Variants in RERE observed in about 807,000 individuals in gnomAD.
RERE encodes arginine-glutamic acid dipeptide repeats.
Under a neutral mutation model 146.1 loss-of-function variants are expected in RERE, and 40 were observed. The ratio of observed to expected loss-of-function variants is 0.27; its 90% confidence interval spans 0.21 to 0.36. The LOEUF is 0.36. Ranked by LOEUF, RERE falls within the 10% of genes least tolerant of loss-of-function variation. The pLI is 1.00. For synonymous variants in RERE, 1,003 were observed against 866.0 expected, an observed-to-expected ratio of 1.16 and a Z score of -2.78; for missense variants, 1,933 against 2,138.7, an observed-to-expected ratio of 0.90 and a Z score of 1.90.
At chr1:8,484,771 A>G (rs1570316470) in intron 10 of RERE, among the ~76,000 whole-genome samples, 1 of 152,242 alleles carries the variant, frequency 6.6e-6, no homozygotes, top group Non-Finnish European at 1.5e-5. Context: ...AAATATTAAA[A>G]TAAAACATAT....
At chr1:8,746,863 T>C (rs183735046) in intron 1 of RERE, among the ~76,000 whole-genome samples, 129 of 88,902 alleles carry the variant, frequency 1.5e-3, no homozygotes, top group Non-Finnish European at 2.6e-3. Flanking sequence ...AGAAGAGAGA[T>C]GGGGGAACAA....
intron 1 of RERE, among the ~76,000 whole-genome samples, chr1:8,815,353 T>A (rs920777562): frequency 1.2e-4 from 19 of 152,198 alleles, no homozygotes; most frequent in African/African-American, 4.6e-4. Context: ...ATAATATTAA[T>A]CAATAAAATC....
intron 1 of RERE, among the ~76,000 whole-genome samples, chr1:8,677,601 G>C (rs1488054103): frequency 6.6e-6 from 1 of 152,062 alleles, no homozygotes; most frequent in Non-Finnish European, 1.5e-5. Flanking sequence ...TAATTCATAT[G>C]TTTCATGTAC....
chr1:8,608,748 C>T (rs1223027704), intron 4 of RERE, among the ~76,000 whole-genome samples: 1 of 152,142 alleles, frequency 6.6e-6, no homozygotes, highest in Non-Finnish European at 1.5e-5. Flanking sequence ...CGGCTTGATG[C>T]CCCTTTTGGA....
At chr1:8,388,513 G>A (rs111471774) in intron 12 of RERE, among the ~76,000 whole-genome samples, 3,094 of 152,128 alleles carry the variant, frequency 0.02, 115 homozygotes, top group African/African-American at 0.072. Context: ...TAGAGACGGG[G>A]TTTCACCTTG....
Position 8,779,930 on chromosome 1 carries a change from C to A in RERE, c.-145+37230G>T, listed in dbSNP as rs545473646. Among the ~76,000 whole-genome samples the A allele has an allele frequency of 2.6e-5, 4 of 152,192 alleles. No homozygotes were observed. The East Asian group carries it at 7.7e-4, about 29-fold the overall frequency. On this transcript the variant is annotated intron_variant, in intron 1 of 22. Transcript: ENST00000400908. ...ACTTAGTGGCCGGGAGCAGCTTATG[C>A]CTGTAATCCCAGCGCTTTGGGAGGT...
intron 4 of RERE, among the ~76,000 whole-genome samples, chr1:8,595,227 T>C (rs1253448758): frequency 6.6e-6 from 1 of 152,016 alleles, no homozygotes. Flanking sequence ...TAACTTTTCT[T>C]TGGGTAAAAT....
At chr1:8,746,829 G>A (rs1322003934) in intron 1 of RERE, among the ~76,000 whole-genome samples, 2 of 144,282 alleles carry the variant, frequency 1.4e-5, no homozygotes, top group Non-Finnish European at 3.0e-5. Flanking sequence ...GAGAAGGAGG[G>A]CAGGCAGGGG....
intron 4 of RERE, among the ~76,000 whole-genome samples, chr1:8,587,269 A>G (rs2124086436): frequency 6.6e-6 from 1 of 152,348 alleles, no homozygotes; most frequent in Middle Eastern, 3.4e-3. Context: ...TAGGAAAATT[A>G]CTGAACATCT....
rs182794235 is a variant in RERE at position 8,528,849 on chromosome 1, A to T, written c.830+12365T>A. On this transcript the variant is annotated intron_variant, in intron 7 of 22. Coordinates refer to ENST00000400908, the MANE Select transcript of RERE (RefSeq NM_001042681.2). ...ACAGACAGCAATACAGCAAAAAAAG[A>T]GATAGAGGTTATCTCATAAAGTGTA... Among the ~76,000 whole-genome samples the T allele has an allele frequency of 5.3e-5, 8 of 152,170 alleles. 1 individual carries two copies. Among genetic ancestry groups the T allele is most frequent in the Admixed American group, 3.3e-4 (5 of 15,272 alleles).
chr1:8,528,326 T>C (rs570180284), intron 7 of RERE, among the ~76,000 whole-genome samples: 27 of 152,304 alleles, frequency 1.8e-4, no homozygotes, highest in African/African-American at 6.3e-4. Flanking sequence ...AAATGAGGCT[T>C]ATGATCATGG....
At chr1:8,779,455 GA>G (rs1382987657) in intron 1 of RERE, among the ~76,000 whole-genome samples, 1 of 152,010 alleles carries the variant, frequency 6.6e-6, no homozygotes, top group Non-Finnish European at 1.5e-5. Flanking sequence ...TGAGGTCCAG[GA>G]GGTCGAGACC....
At chr1:8,720,831 G>A (rs1385110288) in intron 1 of RERE, among the ~76,000 whole-genome samples, 3 of 152,138 alleles carry the variant, frequency 2.0e-5, no homozygotes, top group Non-Finnish European at 2.9e-5. Flanking sequence ...TGAAGAGGGC[G>A]GATTACTTGA....
intron 1 of RERE, among the ~76,000 whole-genome samples, chr1:8,757,911 T>TACACACACAAACACACAC (rs1553145851): frequency 3.6e-4 from 11 of 30,168 alleles, no homozygotes; most frequent in African/African-American, 8.9e-4. Context: ...CACACATACA[T>TACACACACAAACACACAC]ACACACACAC....
chr1:8,718,291 T>G lies in RERE; in HGVS notation c.-144-61850A>C, dbSNP rs368803092. Among the ~76,000 whole-genome samples, 16 of 152,304 alleles carry G rather than the reference T, an allele frequency of 1.1e-4. No individual in the cohort carries two copies. In the East Asian group the frequency reaches 2.5e-3, roughly 24 times the overall value. On this transcript the variant is annotated intron_variant, in intron 1 of 22. Transcript: ENST00000400908. Reference sequence around the variant, plus strand: ...TTAGATTTCTAGAACTTGACAAGATTTCTTTAAAAAACAGGGTCAGATAAG... The same window carrying G: ...TTAGATTTCTAGAACTTGACAAGATGTCTTTAAAAAACAGGGTCAGATAAG...
At chr1:8,556,308 A>C (rs1021280636) in intron 6 of RERE, among the ~76,000 whole-genome samples, 167 bp downstream of exon 6, 7 of 152,166 alleles carry the variant, frequency 4.6e-5, no homozygotes, top group Admixed American at 4.6e-4. Context: ...AGACACGGAG[A>C]ACCTCTGCAA....
intron 1 of RERE, among the ~76,000 whole-genome samples, chr1:8,797,589 C>A (rs145514421): frequency 3.3e-5 from 5 of 152,252 alleles, no homozygotes; most frequent in Admixed American, 3.3e-4. Flanking sequence ...AAAGCACTTA[C>A]CATATTTTAA....
At chr1:8,471,170 G>A (rs1644679233) in intron 10 of RERE, among the ~76,000 whole-genome samples, 1 of 152,114 alleles carries the variant, frequency 6.6e-6, no homozygotes, top group African/African-American at 2.4e-5. Flanking sequence ...GACTACAACA[G>A]CTTCATAATA....
Position 8,364,002 on chromosome 1 carries a change from C to T in RERE, c.1740+54G>A, listed in dbSNP as rs546315917. 1,254 of 1,538,152 alleles carry T rather than the reference C, an allele frequency of 8.2e-4. No homozygotes were observed. The highest frequency in any genetic ancestry group is 1.0e-3 in the Non-Finnish European group (1,125 of 1,113,628). On this transcript the variant is annotated intron_variant, in intron 15 of 22. Transcript: ENST00000400908. The surrounding 1 kb of genome is among the most constrained non-coding windows in gnomAD (Gnocchi z 5.1). ...CCCCTGGGAGGCTCAAGCCCCCACA[C>T]ATCCCAGGAAACTGAAGAAGTTGCC...
Sources: allele counts gnomAD v4.1 joint callset (sites outside exome capture counted in the v4.1 genomes callset), GRCh38; gene constraint gnomAD v4.1.1; non-coding constraint Gnocchi (gnomAD v3.1); transcripts MANE v1.5; gene names NCBI Gene and HGNC (gene_info 2026-07-23, HGNC 2026-07-21).